MED13: variants seen among roughly 807,000 people sequenced by gnomAD.
MED13 encodes mediator of RNA polymerase II transcription subunit 13.
A neutral mutation model predicts 225.2 loss-of-function variants in MED13; 23 were observed. The observed-to-expected ratio is 0.10, with a 90% CI of 0.07 to 0.14. The LOEUF (loss-of-function observed/expected upper bound fraction) is 0.14, where lower values mean the gene tolerates loss of function less well. Among genes scored for constraint, MED13 ranks in the 10% least tolerant of loss-of-function variants. MED13 has a pLI of 1.00. For missense variants in MED13, 2,197 were observed against 2,594.5 expected (o/e 0.85, Z 3.33); for synonymous variants, 942 against 889.2 (o/e 1.06, Z -1.06).
chr17:62,045,004 A>G (rs2143728868), intron 3 of MED13, among the ~76,000 whole-genome samples: 1 of 151,932 alleles, frequency 6.6e-6, no homozygotes, highest in East Asian at 1.9e-4. Flanking sequence ...ACTATTTTAC[A>G]TACAGTAAAT....
rs184158349 is a variant in MED13 at position 62,010,299 on chromosome 17, A to G, written c.1967+251T>C. ...AACAGTACATGGGAATTCTAACTGT[A>G]TGTAAAATCCTTAAGTTGGCTGATG... is the stretch of plus-strand genomic sequence containing the variant. On this transcript the variant is annotated intron_variant, in intron 9 of 29. Transcript: ENST00000397786. 528 of 331,906 alleles carry G rather than the reference A, an allele frequency of 1.6e-3. 1 individual carries two copies. The highest frequency in any genetic ancestry group is 4.6e-3 in the Admixed American group (97 of 21,030). 20.6% of individuals were successfully genotyped at this position (331,906 alleles called of 1,614,324 possible).
chr17:62,062,383 C>T (rs374322412), intron 2 of MED13, among the ~76,000 whole-genome samples: 2 of 152,122 alleles, frequency 1.3e-5, no homozygotes, highest in East Asian at 3.8e-4. Flanking sequence ...CATTGATTTG[C>T]TCACAATAAA....
chr17:62,065,131 G>A lies in MED13; in HGVS notation c.66+9C>T, dbSNP rs772339918. Reference sequence around the variant, plus strand: ...CCCTCCCTCGGCGCCCGCCGGCCCCGGCACTCACCAGGCAGAAGAGGTTAC... The same window carrying A: ...CCCTCCCTCGGCGCCCGCCGGCCCCAGCACTCACCAGGCAGAAGAGGTTAC... On this transcript the variant is annotated intron_variant, in intron 1 of 29. Transcript: ENST00000397786. 24 of 1,552,542 alleles carry A rather than the reference G, an allele frequency of 1.5e-5. No individual in the cohort carries two copies. Among genetic ancestry groups the A allele is most frequent in the Admixed American group, 9.5e-5 (5 of 52,430 alleles).
Position 61,944,431 on chromosome 17 carries a change from T to C in MED13, c.*2037A>G, listed in dbSNP as rs1011122009. 8 of 151,964 alleles carry C rather than the reference T, an allele frequency of 5.3e-5. No homozygotes were observed. The highest frequency in any genetic ancestry group is 1.9e-4 in the African/African-American group (8 of 41,390). 9.4% of individuals were successfully genotyped at this position (151,964 alleles called of 1,614,324 possible). On this transcript the variant is annotated 3_prime_UTR_variant, in exon 30 of 30. Coordinates refer to ENST00000397786, the MANE Select transcript of MED13 (RefSeq NM_005121.3). ...AAACATACCAACATAATGTGTGGTG[T>C]ATTAGCATAATTTAAAAACAAATGC...
intron 8 of MED13, 59 bp downstream of exon 8, chr17:62,029,482 C>T: frequency 7.8e-7 from 1 of 1,277,072 alleles, no homozygotes; most frequent in Non-Finnish European, 1.1e-6. Context: ...TGGGCATAAG[C>T]ATTCAGTGGC....
chr17:62,025,667 T>TA (rs1312954119), intron 8 of MED13, among the ~76,000 whole-genome samples: 27 of 151,842 alleles, frequency 1.8e-4, no homozygotes, highest in African/African-American at 5.3e-4. Context: ...CTCAAACAAA[T>TA]TAAAAAAAAT....
At chr17:62,011,374 G>C in intron 8 of MED13, 141 bp from the exon 9 acceptor site, 1 of 789,478 alleles carries the variant, frequency 1.3e-6, no homozygotes, top group South Asian at 2.7e-5. Flanking sequence ...GAATTTGAAA[G>C]GGGAAAAAAA....
intron 23 of MED13, among the ~76,000 whole-genome samples, chr17:61,960,215 C>T (rs1433622371): frequency 2.0e-5 from 3 of 151,916 alleles, no homozygotes; most frequent in Non-Finnish European, 4.4e-5. Context: ...AATAACTGGG[C>T]GTGATATTTA....
chr17:62,012,612 G>A (rs893931426), intron 8 of MED13, among the ~76,000 whole-genome samples: 2 of 152,018 alleles, frequency 1.3e-5, no homozygotes, highest in African/African-American at 2.4e-5. Flanking sequence ...TTACAGGCAT[G>A]AGCCACCGTG....
At chr17:62,054,230 G>A (rs567856924) in intron 2 of MED13, among the ~76,000 whole-genome samples, 1 of 152,028 alleles carries the variant, frequency 6.6e-6, no homozygotes, top group Non-Finnish European at 1.5e-5. Flanking sequence ...TCACCCAAGA[G>A]GGAGAGATTA....
intron 2 of MED13, among the ~76,000 whole-genome samples, chr17:62,059,851 T>C (rs2081024455): frequency 1.3e-5 from 2 of 152,176 alleles, no homozygotes; most frequent in South Asian, 4.1e-4. Flanking sequence ...GTTTTATTTT[T>C]AAGAAAAGCT....
intron 23 of MED13, among the ~76,000 whole-genome samples, chr17:61,958,572 C>G (rs886179328): frequency 1.3e-5 from 2 of 151,464 alleles, no homozygotes; most frequent in Non-Finnish European, 1.5e-5. Context: ...CTCTTGACCT[C>G]GTGACCTGCC....
intron 3 of MED13, among the ~76,000 whole-genome samples, chr17:62,044,902 T>C (rs2080885869): frequency 6.6e-6 from 1 of 152,240 alleles, no homozygotes; most frequent in African/African-American, 2.4e-5. Flanking sequence ...CCTCAAGTGA[T>C]CTGCCTGCCT....
intron 8 of MED13, among the ~76,000 whole-genome samples, chr17:62,021,953 G>A (rs1023404008): frequency 6.6e-6 from 1 of 151,950 alleles, no homozygotes; most frequent in Non-Finnish European, 1.5e-5. Context: ...GATCATTTGA[G>A]GTCAGGAGTT....
chr17:61,986,350 T>C (rs2080247803), intron 12 of MED13, among the ~76,000 whole-genome samples: 1 of 152,134 alleles, frequency 6.6e-6, no homozygotes, highest in Admixed American at 6.5e-5. Flanking sequence ...CCATAGAAGT[T>C]TCCAAGCTAC....
chr17:61,968,308 C>A, intron 17 of MED13, 50 bp from the exon 18 acceptor site: 1 of 1,236,884 alleles, frequency 8.1e-7, no homozygotes, highest in Non-Finnish European at 1.1e-6. Flanking sequence ...CAAGACATGT[C>A]TCCTTTTTAT....
Position 62,028,750 on chromosome 17 carries a change from C to G in MED13, c.1283+791G>C, listed in dbSNP as rs547509625. ...GTCCCAGCTACTTGGGAGGCTGAGG[C>G]AGGAGAATGGCGTGAACCCGGGAGG... On this transcript the variant is annotated intron_variant, in intron 8 of 29. Transcript: ENST00000397786. Among the ~76,000 whole-genome samples, 444 of 151,318 alleles carry G rather than the reference C, an allele frequency of 2.9e-3. 2 individuals carry two copies. Among genetic ancestry groups the G allele is most frequent in the Non-Finnish European group, 4.5e-3 (304 of 67,884 alleles).
At chr17:61,965,518 GT>G (rs2080050260) in intron 19 of MED13, 50 bp from the exon 20 acceptor site, 1 of 1,501,628 alleles carries the variant, frequency 6.7e-7, no homozygotes, top group Non-Finnish European at 9.0e-7. Context: ...TCACTGACTG[GT>G]TTTTTTAAAT....
chr17:61,981,168 G>T (rs566084187), intron 16 of MED13, among the ~76,000 whole-genome samples: 1 of 151,740 alleles, frequency 6.6e-6, no homozygotes. Flanking sequence ...GATTATAGGC[G>T]CCCACCACCA....
Sources: allele counts gnomAD v4.1 joint callset (sites outside exome capture counted in the v4.1 genomes callset), GRCh38; gene constraint gnomAD v4.1.1; transcripts MANE v1.5; gene names NCBI Gene and HGNC (gene_info 2026-07-23, HGNC 2026-07-21).